Variants in TENM1 observed in about 807,000 individuals in gnomAD.
TENM1 encodes teneurin transmembrane protein 1, also known as teneurin-1.
A neutral mutation model predicts 174.8 loss-of-function variants in TENM1; 35 were observed. That is an observed-to-expected ratio of 0.20 (90% confidence interval 0.15 to 0.27). The LOEUF (loss-of-function observed/expected upper bound fraction) is 0.27. TENM1 is among the 10% of genes least tolerant of loss of function. The pLI, the probability that TENM1 is intolerant of heterozygous loss-of-function variation, is 1.00. For synonymous variants in TENM1, 781 were observed against 798.7 expected (o/e 0.98, Z 0.37); for missense variants, 1,633 against 2,130.1 (o/e 0.77, Z 4.59).
At chrX:124,876,570 G>A (rs1285524644) in intron 3 of TENM1, among the ~76,000 whole-genome samples, 1 of 111,166 alleles carries the variant, frequency 9.0e-6, no homozygotes, top group Non-Finnish European at 1.9e-5. Context: ...TAAAAGATTT[G>A]GAAGCTTTCA....
At chrX:124,575,292 C>T (rs2049142553) in intron 11 of TENM1, among the ~76,000 whole-genome samples, 1 of 111,681 alleles carries the variant, frequency 9.0e-6, no homozygotes, top group Non-Finnish European at 1.9e-5. Flanking sequence ...CACAGAAAAC[C>T]TATAACATAA....
chrX:124,481,042 A>G (rs755375435), intron 22 of TENM1, among the ~76,000 whole-genome samples: 4 of 111,952 alleles, frequency 3.6e-5, no homozygotes, highest in Non-Finnish European at 5.6e-5. Context: ...ATTAAATTGA[A>G]GGTTGGTCTT....
At chrX:124,906,699 ACATC>A (rs1312610802) in intron 1 of TENM1, among the ~76,000 whole-genome samples, 1 of 112,320 alleles carries the variant, frequency 8.9e-6, no homozygotes, top group African/African-American at 3.2e-5. Context: ...AAACTCTGGT[ACATC>A]CATACAATGG....
chrX:124,919,764 A>G (rs2057990766), intron 1 of TENM1, among the ~76,000 whole-genome samples: 1 of 111,850 alleles, frequency 8.9e-6, no homozygotes, highest in Non-Finnish European at 1.9e-5. Context: ...TTTCTACTGT[A>G]AGAAAATAAA....
In TENM1 at chrX:124,933,155, C is replaced by T. The variant is rs555297897; in HGVS notation, c.217+30382G>A. 7.1e-5 allele frequency among the ~76,000 whole-genome samples: 8 copies of T among 112,269 alleles called. No individual in the cohort carries two copies. In the South Asian group the frequency reaches 3.0e-3, roughly 42 times the overall value. On this transcript the variant is annotated intron_variant, in intron 1 of 31. Coordinates refer to ENST00000422452, the Ensembl canonical transcript of TENM1. ...TTGTAGTAGAGAAAATTAACCTCTG[C>T]TTTTCATGAAGCCCTACTTCCAGAT...
In TENM1 at chrX:124,759,577, T is replaced by G. The variant is rs180705368; in HGVS notation, c.536-22380A>C. 3.4e-3 allele frequency among the ~76,000 whole-genome samples: 375 copies of G among 111,789 alleles called. 4 individuals carry two copies. The highest frequency in any genetic ancestry group is 0.01 in the African/African-American group (314 of 30,778). ...GAGTGAGAATATACGATGTTTGGTT[T>G]TCCATTCCTGAGATACTTCACTTAG... On this transcript the variant is annotated intron_variant, in intron 3 of 31. Coordinates refer to ENST00000422452, the Ensembl canonical transcript of TENM1.
At chrX:124,881,510 T>C (rs773011832) in intron 3 of TENM1, among the ~76,000 whole-genome samples, 1 of 111,248 alleles carries the variant, frequency 9.0e-6, no homozygotes, top group African/African-American at 3.3e-5. Context: ...TTATAGTCCA[T>C]ATTTCATTTA....
chrX:124,493,411 T>C (rs2047114989), intron 20 of TENM1, among the ~76,000 whole-genome samples: 1 of 111,447 alleles, frequency 9.0e-6, no homozygotes, highest in Admixed American at 9.6e-5. Context: ...AATATTAATA[T>C]AATTTTTTGT....
intron 3 of TENM1, among the ~76,000 whole-genome samples, chrX:124,840,327 G>A (rs759425678): frequency 4.5e-5 from 5 of 111,493 alleles, no homozygotes; most frequent in African/African-American, 1.6e-4. Flanking sequence ...TGAAAATTCT[G>A]AAAGCATAAT....
At chrX:124,655,989 C>T (rs1220273568) in intron 6 of TENM1, among the ~76,000 whole-genome samples, 1 of 112,078 alleles carries the variant, frequency 8.9e-6, no homozygotes, top group Non-Finnish European at 1.9e-5. Context: ...TGTGGCACTT[C>T]TGTTCGCAAG....
At chrX:124,700,746 T>C (rs1405993895) in intron 5 of TENM1, among the ~76,000 whole-genome samples, 3 of 111,856 alleles carry the variant, frequency 2.7e-5, no homozygotes, top group African/African-American at 9.7e-5. Context: ...AGTCAGCACA[T>C]GCCACAGTCC....
At chrX:124,833,197 T>G (rs1435876812) in intron 3 of TENM1, among the ~76,000 whole-genome samples, 1 of 112,017 alleles carries the variant, frequency 8.9e-6, no homozygotes, top group Non-Finnish European at 1.9e-5. Context: ...AGGTGTTTAC[T>G]AACATTCTTT....
chrX:124,705,766 C>T (rs763857904), intron 4 of TENM1, among the ~76,000 whole-genome samples: 6 of 112,444 alleles, frequency 5.3e-5, no homozygotes, highest in Admixed American at 4.7e-4. Flanking sequence ...TAAACAATCA[C>T]ATACTCACTA....
chrX:124,384,323 T>C (rs773271525), exon 30 of TENM1: 3 of 1,209,860 alleles, frequency 2.5e-6, no homozygotes, highest in Non-Finnish European at 3.4e-6. Context: ...TCGGAGGTCA[T>C]ATCGGAGAGG....
the TENM1 span, among the ~76,000 whole-genome samples, chrX:125,074,446 T>C: frequency 1.2e-4 from 13 of 109,785 alleles, no homozygotes; most frequent in Admixed American, 1.3e-3. Context: ...ATCTACAATC[T>C]TCCCCAGCTC....
At chrX:124,669,924 T>A (rs1471676818) in intron 6 of TENM1, among the ~76,000 whole-genome samples, 2 of 111,788 alleles carry the variant, frequency 1.8e-5, no homozygotes, top group African/African-American at 6.5e-5. Context: ...TTCACAGATA[T>A]TCCATATGAG....
intron 5 of TENM1, among the ~76,000 whole-genome samples, chrX:124,699,102 A>AT (rs1234581603): frequency 8.9e-6 from 1 of 112,032 alleles, no homozygotes; most frequent in African/African-American, 3.2e-5. Flanking sequence ...AAATATTCAC[A>AT]TATCTATGTA....
At chrX:125,194,025 C>G in the TENM1 span, among the ~76,000 whole-genome samples, 4 of 111,207 alleles carry the variant, frequency 3.6e-5, no homozygotes, top group East Asian at 1.1e-3. Flanking sequence ...CTCAAGTAAT[C>G]CTCCTTCCTT....
At chrX:125,131,367 G>A in the TENM1 span, among the ~76,000 whole-genome samples, 6 of 112,009 alleles carry the variant, frequency 5.4e-5, no homozygotes, top group East Asian at 1.7e-3. Context: ...AGAGAACACT[G>A]CTTTGTTTAA....
Sources: gnomAD v4.1 joint callset for allele counts (sites outside exome capture counted in the v4.1 genomes callset) on GRCh38, gnomAD v4.1.1 for gene constraint, MANE v1.5 for transcripts, NCBI Gene and HGNC (gene_info 2026-07-23, HGNC 2026-07-21) for gene names.